PTPRD: variants seen among roughly 807,000 people sequenced by gnomAD.
The protein encoded by PTPRD is protein tyrosine phosphatase receptor type D.
Under a neutral mutation model 214.5 loss-of-function variants are expected in PTPRD, and 34 were observed. That is an observed-to-expected ratio of 0.16 (90% CI 0.12 to 0.21). The LOEUF is 0.21. Among genes scored for constraint, PTPRD ranks in the 10% least tolerant of loss-of-function variants. PTPRD has a pLI of 1.00. For missense variants in PTPRD, 2,545 were observed against 2,398.7 expected, an observed-to-expected ratio of 1.06 and a Z score of -1.27; for synonymous variants, 1,128 against 845.7, an observed-to-expected ratio of 1.33 and a Z score of -5.79.
chr9:9,537,959 C>T (rs891250709), intron 8 of PTPRD, among the ~76,000 whole-genome samples: 8 of 151,646 alleles, frequency 5.3e-5, no homozygotes, highest in African/African-American at 9.7e-5. Flanking sequence ...TATCCTCATT[C>T]GTTCTGTGTT....
At chr9:9,316,051 G>C (rs760261519) in intron 9 of PTPRD, among the ~76,000 whole-genome samples, 1 of 151,836 alleles carries the variant, frequency 6.6e-6, no homozygotes, top group Non-Finnish European at 1.5e-5. Flanking sequence ...TAGTGCACAT[G>C]CCTGTCCATA....
At chr9:10,608,000 C>T (rs2079928419) in intron 2 of PTPRD, among the ~76,000 whole-genome samples, 1 of 151,948 alleles carries the variant, frequency 6.6e-6, no homozygotes, top group Non-Finnish European at 1.5e-5. Flanking sequence ...CTCTGTGAAA[C>T]TGGGATATTC....
intron 3 of PTPRD, among the ~76,000 whole-genome samples, chr9:10,242,515 A>G (rs2091280272): frequency 6.6e-6 from 1 of 151,962 alleles, no homozygotes; most frequent in African/African-American, 2.4e-5. Context: ...CAACAGAAAT[A>G]TGTAAGTCCC....
chr9:9,080,297 T>G (rs2099757176), intron 10 of PTPRD, among the ~76,000 whole-genome samples: 1 of 152,014 alleles, frequency 6.6e-6, no homozygotes, highest in African/African-American at 2.4e-5. Flanking sequence ...ATGTTGCCAC[T>G]CTAGAATGAC....
At chr9:10,428,612 G>A (rs917275648) in intron 2 of PTPRD, among the ~76,000 whole-genome samples, 3 of 151,958 alleles carry the variant, frequency 2.0e-5, no homozygotes, top group African/African-American at 7.2e-5. Flanking sequence ...GTCACATATA[G>A]GTTCAGAGAG....
Position 8,484,151 on chromosome 9 carries a change from T to G in PTPRD, c.3381A>C (p.Gln1127His), listed in dbSNP as rs2135757847. Residue 1127 changes from glutamine to histidine, a missense_variant, in exon 30 of 46, where the codon CAA (glutamine) becomes CAC (histidine). Physicochemically the swap from Gln to His is conservative, Grantham distance 24. Coordinates refer to ENST00000381196, the MANE Select transcript of PTPRD (RefSeq NM_002839.4). ...KTNLDGMITV[Q>H]LPEVPANENI... is the part of the protein sequence containing the mutation. ...TCTCATTTGCAGGTACTTCAGGCAG[T>G]TGCACAGTAATCATGCCATCCAAGT... 3 of 1,614,182 alleles carry G rather than the reference T, an allele frequency of 1.9e-6. No homozygotes were observed. The highest frequency in any genetic ancestry group is 2.5e-6 in the Non-Finnish European group (3 of 1,180,018).
chr9:9,425,405 T>C (rs1326481794), intron 8 of PTPRD, among the ~76,000 whole-genome samples: 2 of 51,824 alleles, frequency 3.9e-5, no homozygotes, highest in Non-Finnish European at 8.8e-5. Context: ...TAATTTATAA[T>C]ATAAAATATA....
chr9:9,649,752 T>C (rs2096286049), intron 7 of PTPRD, among the ~76,000 whole-genome samples: 1 of 152,220 alleles, frequency 6.6e-6, no homozygotes, highest in African/African-American at 2.4e-5. Context: ...ACAGATATAT[T>C]TACCTGATTA....
intron 5 of PTPRD, among the ~76,000 whole-genome samples, chr9:9,783,893 G>A (rs538759163): frequency 1.3e-5 from 2 of 148,524 alleles, no homozygotes; most frequent in Non-Finnish European, 3.0e-5. Context: ...TCAGCTCAGT[G>A]CATACGCAAG....
chr9:10,073,434 C>T (rs1282553661), intron 3 of PTPRD, among the ~76,000 whole-genome samples: 1 of 151,804 alleles, frequency 6.6e-6, no homozygotes, highest in Non-Finnish European at 1.5e-5. Context: ...CCAAGAGGAG[C>T]CTACAGAGAC....
At chr9:8,835,473 C>T (rs1031689884) in intron 11 of PTPRD, among the ~76,000 whole-genome samples, 1 of 152,228 alleles carries the variant, frequency 6.6e-6, no homozygotes, top group African/African-American at 2.4e-5. Context: ...AACCTCACCG[C>T]ATACACTGAT....
chr9:10,263,263 C>T (rs1427783654), intron 3 of PTPRD, among the ~76,000 whole-genome samples: 2 of 152,090 alleles, frequency 1.3e-5, no homozygotes, highest in Non-Finnish European at 2.9e-5. Context: ...AACTGAGTAA[C>T]AGGCAGAGGT....
chr9:9,831,051 G>A (rs1453694143), intron 5 of PTPRD, among the ~76,000 whole-genome samples: 2 of 151,844 alleles, frequency 1.3e-5, no homozygotes, highest in Non-Finnish European at 2.9e-5. Context: ...TTTTAGCATG[G>A]AAGGTGAAAT....
chr9:9,665,614 C>T (rs2096707178), intron 7 of PTPRD, among the ~76,000 whole-genome samples: 1 of 151,686 alleles, frequency 6.6e-6, no homozygotes. Context: ...AAATTTAGGT[C>T]TGTGGAATTT....
At chr9:9,872,251 C>T (rs2065655484) in intron 5 of PTPRD, among the ~76,000 whole-genome samples, 1 of 152,116 alleles carries the variant, frequency 6.6e-6, no homozygotes, top group Non-Finnish European at 1.5e-5. Context: ...TGAATTCCAG[C>T]CAGAATATAT....
In PTPRD at chr9:9,705,298, T is replaced by C. The variant is rs142059426; in HGVS notation, c.-287+29235A>G. ...TTTAGCAGCATTTTGAAATGTAGAATTATACATTTTTCCATTATGATTATC... is the reference window on the plus strand; with the variant it reads ...TTTAGCAGCATTTTGAAATGTAGAACTATACATTTTTCCATTATGATTATC... On this transcript the variant is annotated intron_variant, in intron 7 of 45. Coordinates refer to ENST00000381196, the MANE Select transcript of PTPRD (RefSeq NM_002839.4). Among the ~76,000 whole-genome samples the C allele has an allele frequency of 9.8e-5, 15 of 152,314 alleles. No individual in the cohort carries two copies. In the East Asian group the frequency reaches 2.9e-3, roughly 29 times the overall value.
intron 8 of PTPRD, among the ~76,000 whole-genome samples, chr9:9,473,830 TG>T (rs2094812707): frequency 6.6e-6 from 1 of 150,764 alleles, no homozygotes; most frequent in African/African-American, 2.4e-5. Flanking sequence ...TTTTTTTTTT[TG>T]CTGTTAAGTT....
intron 11 of PTPRD, among the ~76,000 whole-genome samples, chr9:8,960,735 C>A (rs1047341054): frequency 2.0e-5 from 3 of 152,092 alleles, no homozygotes; most frequent in African/African-American, 7.2e-5. Context: ...TCCTGACATT[C>A]ATAAACTATT....
At chr9:8,673,221 C>T (rs533530242) in intron 12 of PTPRD, among the ~76,000 whole-genome samples, 2 of 152,096 alleles carry the variant, frequency 1.3e-5, no homozygotes, top group South Asian at 2.1e-4. Context: ...AAAACACACA[C>T]ATACGCACAG....
Sources: gnomAD v4.1 joint callset for allele counts (sites outside exome capture counted in the v4.1 genomes callset) on GRCh38, gnomAD v4.1.1 for gene constraint, MANE v1.5 for transcripts, NCBI Gene and HGNC (gene_info 2026-07-23, HGNC 2026-07-21) for gene names.